The following SERPINB10 variants were observed in gnomAD, a reference collection of about 807,000 sequenced individuals.
SERPINB10 encodes serpin B10.
SERPINB10 carries 35 observed loss-of-function variants against 39.1 expected under a neutral mutation model. The ratio of observed to expected loss-of-function variants is 0.90; its 90% CI spans 0.68 to 1.19. The LOEUF (loss-of-function observed/expected upper bound fraction) is 1.19. Ranked by LOEUF, SERPINB10 falls within the 50% of genes most tolerant of loss-of-function variation. SERPINB10 has a pLI of 0.00. For missense variants in SERPINB10, 546 were observed against 460.5 expected (o/e 1.19, Z -1.70); for synonymous variants, 190 against 158.1 (o/e 1.20, Z -1.52).
rs867056974 is a variant in SERPINB10, at chr18:63,933,382, A to G, written c.789+179A>G. ...CTAGGCACTTCACCTTCACAATATT[A>G]TTTAAACTTTACAACACTCTATAAA... On this transcript the variant is annotated intron_variant, in intron 7 of 7. Transcript: ENST00000238508. 5.3e-5 allele frequency among the ~76,000 whole-genome samples: 8 copies of G among 152,318 alleles called. No homozygotes were observed. The Middle Eastern group carries it at 0.014, about 259-fold the overall frequency.
intron 3 of SERPINB10, 126 bp from the exon 4 acceptor site, chr18:63,917,839 T>A (rs1599079324): frequency 1.3e-6 from 1 of 795,826 alleles, no homozygotes; most frequent in East Asian, 2.7e-5. Context: ...AACATTTTTA[T>A]CCACTTTAGG....
chr18:63,929,272 A>G (rs1423717241), intron 5 of SERPINB10, among the ~76,000 whole-genome samples: 1 of 152,174 alleles, frequency 6.6e-6, no homozygotes, highest in Non-Finnish European at 1.5e-5. Flanking sequence ...TTTCAAGAGT[A>G]TTTATTTTAT....
chr18:63,916,892 T>C (rs1458046492), intron 2 of SERPINB10, among the ~76,000 whole-genome samples: 1 of 152,032 alleles, frequency 6.6e-6, no homozygotes, highest in East Asian at 1.9e-4. Context: ...CAGATAAAAG[T>C]ATTGCCTTCT....
intron 4 of SERPINB10, among the ~76,000 whole-genome samples, chr18:63,919,550 G>A (rs912821445): frequency 1.3e-5 from 2 of 151,880 alleles, no homozygotes. Flanking sequence ...CAAAAATGTG[G>A]GCATCCGTAC....
At chr18:63,908,876 A>G (rs900463663) in intron 1 of SERPINB10, among the ~76,000 whole-genome samples, 14 of 152,162 alleles carry the variant, frequency 9.2e-5, no homozygotes, top group African/African-American at 2.9e-4. Context: ...GTTCTCCATC[A>G]TGTAATCTCT....
chr18:63,912,016 G>GTAATT (rs371795890), intron 1 of SERPINB10, among the ~76,000 whole-genome samples: 4,280 of 151,732 alleles, frequency 0.028, 214 homozygotes, highest in African/African-American at 0.097. Flanking sequence ...GTATTCCTGG[G>GTAATT]TATTTTATTT....
rs1325842669 is a variant in SERPINB10, at chr18:63,936,026, T to C, written c.*784T>C. On this transcript the variant is annotated 3_prime_UTR_variant, in exon 8 of 8. Coordinates refer to ENST00000238508, the MANE Select transcript of SERPINB10 (RefSeq NM_005024.3). ...ATGTTATCACTTGGGGAAACTGTACTGGAGTATATGAGAATTAGCTGTATT... is the reference window on the plus strand; with the variant it reads ...ATGTTATCACTTGGGGAAACTGTACCGGAGTATATGAGAATTAGCTGTATT... 6.6e-6 allele frequency: 1 copy of C among 152,254 alleles called. No homozygotes were observed. The highest frequency in any genetic ancestry group is 1.5e-5 in the Non-Finnish European group (1 of 68,050). 9.4% of individuals were successfully genotyped at this position (152,254 alleles called of 1,614,324 possible). A position where few individuals can be genotyped will look rare whatever the true frequency, so the allele number is the denominator to read the frequency against.
chr18:63,914,699 G>A (rs1029332118), intron 1 of SERPINB10, among the ~76,000 whole-genome samples: 1 of 152,008 alleles, frequency 6.6e-6, no homozygotes. Context: ...AGTGGTCCAA[G>A]CTGTGAGTGT....
At chr18:63,928,452 A>G (rs2050195495) in intron 5 of SERPINB10, among the ~76,000 whole-genome samples, 1 of 152,160 alleles carries the variant, frequency 6.6e-6, no homozygotes, top group South Asian at 2.1e-4. Flanking sequence ...AGTTGTAACT[A>G]TAACAATCTG....
intron 3 of SERPINB10, among the ~76,000 whole-genome samples, chr18:63,917,736 T>G (rs1380525157): frequency 6.6e-6 from 1 of 152,030 alleles, no homozygotes. Context: ...ATTTCTCTAG[T>G]TTCAAACTTT....
intron 5 of SERPINB10, among the ~76,000 whole-genome samples, chr18:63,928,816 G>T (rs929455906): frequency 2.1e-5 from 3 of 140,382 alleles, no homozygotes; most frequent in Non-Finnish European, 4.5e-5. Flanking sequence ...AATTGTGAAT[G>T]GGAGTTCACT....
In SERPINB10 at chr18:63,935,499, G is replaced by A. The variant is rs2050256805; in HGVS notation, c.*257G>A. ...TTCATTTACATTTCAGAAGTACTAT[G>A]CTATTCAACTGAATGCCTTACAATT... On this transcript the variant is annotated 3_prime_UTR_variant, in exon 8 of 8. Transcript: ENST00000238508. 2.6e-6 allele frequency: 1 copy of A among 377,580 alleles called. No individual in the cohort carries two copies. Among genetic ancestry groups the A allele is most frequent in the Admixed American group, 4.2e-5 (1 of 23,780 alleles). 23.4% of individuals were successfully genotyped at this position (377,580 alleles called of 1,614,324 possible).
chr18:63,910,237 T>A (rs1403535680), intron 1 of SERPINB10, among the ~76,000 whole-genome samples: 2 of 152,014 alleles, frequency 1.3e-5, no homozygotes, highest in African/African-American at 4.8e-5. Flanking sequence ...AAGACCTAAC[T>A]CTACACAACT....
chr18:63,916,449 A>G (rs1424449260), intron 2 of SERPINB10, among the ~76,000 whole-genome samples: 2 of 151,984 alleles, frequency 1.3e-5, no homozygotes, highest in African/African-American at 4.8e-5. Context: ...TTCCTCAGAA[A>G]GTATGGATAT....
chr18:63,925,385 A>G (rs1211474719), intron 5 of SERPINB10, among the ~76,000 whole-genome samples: 1 of 151,994 alleles, frequency 6.6e-6, no homozygotes, highest in Non-Finnish European at 1.5e-5. Context: ...CTTTCAAAAA[A>G]AGAAAGCAGA....
At chr18:63,926,615 T>C (rs534955761) in intron 5 of SERPINB10, among the ~76,000 whole-genome samples, 2 of 151,970 alleles carry the variant, frequency 1.3e-5, no homozygotes, top group South Asian at 4.2e-4. Context: ...ACAAAACAAA[T>C]GGGAAGTCTT....
chr18:63,915,403 G>A (rs1363778094), intron 1 of SERPINB10, 99 bp from the exon 2 acceptor site: 1 of 761,708 alleles, frequency 1.3e-6, no homozygotes, highest in Non-Finnish European at 2.1e-6. Context: ...ATATGACAAT[G>A]TATATGGATA....
chr18:63,927,415 A>G (rs1324019058), intron 5 of SERPINB10, among the ~76,000 whole-genome samples: 1 of 152,044 alleles, frequency 6.6e-6, no homozygotes, highest in African/African-American at 2.4e-5. Flanking sequence ...TTTATAAATA[A>G]TAGAAACTTA....
At chr18:63,924,957 G>A (rs2050170619) in intron 5 of SERPINB10, among the ~76,000 whole-genome samples, 1 of 151,716 alleles carries the variant, frequency 6.6e-6, no homozygotes, top group South Asian at 2.1e-4. Flanking sequence ...AGTATACTTC[G>A]ACTATATATT....
Sources: allele counts gnomAD v4.1 joint callset (sites outside exome capture counted in the v4.1 genomes callset), GRCh38; gene constraint gnomAD v4.1.1; transcripts MANE v1.5; gene names NCBI Gene and HGNC (gene_info 2026-07-23, HGNC 2026-07-21).